Variants in SBF2 observed in about 807,000 individuals in gnomAD.
SBF2 encodes myotubularin-related protein 13.
SBF2 carries 112 observed loss-of-function variants against 225.2 expected under a neutral mutation model. That is an observed-to-expected ratio of 0.50 (90% confidence interval 0.43 to 0.58). The LOEUF is 0.58. Ranked by LOEUF, SBF2 falls within the 20% of genes least tolerant of loss-of-function variation. SBF2 has a pLI of 0.00. For synonymous variants in SBF2, 763 were observed against 773.3 expected (o/e 0.99, Z 0.22); for missense variants, 1,996 against 2,206.2 (o/e 0.90, Z 1.91).
At chr11:9,995,053 AT>A (rs376050130) in intron 9 of SBF2, among the ~76,000 whole-genome samples, 17,571 of 145,366 alleles carry the variant, frequency 0.12, 1,167 homozygotes, top group East Asian at 0.26. Flanking sequence ...AAAAAAAAAA[AT>A]AAAAATTACT....
chr11:9,987,404 G>C (rs1947248156), intron 13 of SBF2, among the ~76,000 whole-genome samples: 1 of 152,106 alleles, frequency 6.6e-6, no homozygotes, highest in African/African-American at 2.4e-5. Flanking sequence ...CATAGTACTG[G>C]AAGTCCTAGC....
At position 9,780,478 on chromosome 11, in the gene SBF2, C is replaced by A; in HGVS notation, c.5490G>T (p.Gln1830His). 1 of 1,614,132 alleles carries A rather than the reference C, an allele frequency of 6.2e-7. No individual in the cohort carries two copies. Among genetic ancestry groups the A allele is most frequent in the South Asian group, 1.1e-5 (1 of 91,068 alleles). Residue 1830 changes from glutamine (Q) to histidine (H), a missense_variant, in exon 40 of 40, where the codon CAG becomes CAT. By Grantham distance (24) the Gln-to-His change is conservative (BLOSUM62 0). Coordinates refer to ENST00000256190, the MANE Select transcript of SBF2 (RefSeq NM_030962.4). Reference sequence around the variant, plus strand: ...TCCATTGCTGGGCACTCTGTCCATCCTGGGCGCAGAAGTTATACACACGTT... The same window carrying A: ...TCCATTGCTGGGCACTCTGTCCATCATGGGCGCAGAAGTTATACACACGTT... ...TSKRVYNFCAQDGQSAQQWMD... is the reference protein window; with the variant it reads ...TSKRVYNFCAHDGQSAQQWMD...
At chr11:9,962,211 CAT>C in intron 15 of SBF2, 105 bp from the exon 16 acceptor site, 1 of 984,648 alleles carries the variant, frequency 1.0e-6, no homozygotes, top group South Asian at 1.4e-5. Context: ...ATTTATTTAA[CAT>C]AGTTATTAGT....
intron 2 of SBF2, among the ~76,000 whole-genome samples, chr11:10,075,473 G>A (rs1406075795): frequency 3.3e-5 from 5 of 152,180 alleles, no homozygotes; most frequent in Non-Finnish European, 7.3e-5. Context: ...ATGTTGAATC[G>A]TGATCCCAAG....
Position 10,194,001 on chromosome 11 carries a change from C to T in SBF2, c.56-14G>A, listed in dbSNP as rs761411576. 6.5e-7 allele frequency: 1 copy of T among 1,533,942 alleles called. No homozygotes were observed. The highest frequency in any genetic ancestry group is 9.0e-7 in the Non-Finnish European group (1 of 1,107,178). On this transcript the variant is annotated splice_polypyrimidine_tract_variant and intron_variant, in intron 1 of 39. Coordinates refer to ENST00000256190, the MANE Select transcript of SBF2 (RefSeq NM_030962.4). The stretch of plus-strand genomic sequence containing the variant: ...CTTCTCCTGATCCTGTTAATAAAAT[C>T]AAAGTGAATCATTATTATAGGACAC...
intron 1 of SBF2, among the ~76,000 whole-genome samples, chr11:10,254,939 A>AAAAAAAAAAT (rs1960737355): frequency 4.4e-5 from 5 of 114,006 alleles, no homozygotes; most frequent in Admixed American, 9.7e-5. Context: ...AAAAAAAAAA[A>AAAAAAAAAAT]TCCTATTATT....
rs763209708 is a variant in SBF2, at chr11:9,790,570, G to A, written c.4684C>T (p.Pro1562Ser). ...TCTTACTCTACCTCTATTTCCAATG[G>A]TGAATATAAATAATTAAAGAAAATG... Reference protein sequence around the residue: ...SPIFFNYLYSPLEIEALKPNV... With the variant: ...SPIFFNYLYSSLEIEALKPNV... The change falls in exon 34 of 40, where the codon CCA (proline) becomes TCA (serine). Residue 1562 changes from proline (P) to serine (S), a missense_variant. Physicochemically the swap from Pro to Ser is moderately conservative, Grantham distance 74. Transcript: ENST00000256190. The A allele has an allele frequency of 1.3e-6, 2 of 1,583,864 alleles. No homozygotes were observed. The highest frequency in any genetic ancestry group is 1.1e-5 in the South Asian group (1 of 88,336).
At chr11:9,787,403 G>A (rs1355720167) in intron 36 of SBF2, among the ~76,000 whole-genome samples, 5 of 152,144 alleles carry the variant, frequency 3.3e-5, no homozygotes, top group African/African-American at 7.2e-5. Context: ...CCTTGGATTC[G>A]GGGTGCTGAG....
chr11:9,781,723 T>A, intron 38 of SBF2, 85 bp from the exon 39 acceptor site: 1 of 1,490,320 alleles, frequency 6.7e-7, no homozygotes, highest in Non-Finnish European at 9.3e-7. Flanking sequence ...AATACCTTCC[T>A]CTGTACCTTG....
chr11:10,222,465 T>G (rs1164720023), intron 1 of SBF2, among the ~76,000 whole-genome samples: 2 of 152,136 alleles, frequency 1.3e-5, no homozygotes, highest in Non-Finnish European at 2.9e-5. Flanking sequence ...AAATTCTAGA[T>G]CTGAAAAATA....
chr11:9,850,048 G>A lies in SBF2; in HGVS notation c.2781C>T (p.Phe927=). 2 of 1,614,066 alleles carry A rather than the reference G, an allele frequency of 1.2e-6. No homozygotes were observed. The highest frequency in any genetic ancestry group is 1.7e-5 in the Admixed American group (1 of 60,026). Residue 927 remains phenylalanine, a synonymous_variant, in exon 22 of 40, where the codon TTC becomes TTT. Transcript: ENST00000256190. ...CTAACTGATCATGGGGTGTTCCTCT[G>A]AAGAGAATTCTGTATGTGGTGAGGA... ...ALFLTTYRIL[F]RGTPHDQLVG...
At chr11:9,994,794 T>G (rs1160743290) in intron 9 of SBF2, among the ~76,000 whole-genome samples, 2 of 152,088 alleles carry the variant, frequency 1.3e-5, no homozygotes, top group African/African-American at 2.4e-5. Context: ...CCCAACACTT[T>G]GGGAGGGCAA....
At chr11:9,991,820 T>C (rs1183911570) in intron 12 of SBF2, among the ~76,000 whole-genome samples, 1 of 152,126 alleles carries the variant, frequency 6.6e-6, no homozygotes, top group African/African-American at 2.4e-5. Context: ...TAGAGAAATG[T>C]TGATAATTGA....
Position 9,828,163 on chromosome 11 carries a change from A to G in SBF2, c.3793+1193T>C, listed in dbSNP as rs963716270. ...AGCTATTGGATGGGTTTACATCCAA[A>G]TGTCCTGGCACTACCTGCTTAAGCA... On this transcript the variant is annotated intron_variant, in intron 28 of 39. Coordinates refer to ENST00000256190, the MANE Select transcript of SBF2 (RefSeq NM_030962.4). 73 of 1,289,588 alleles carry G rather than the reference A, an allele frequency of 5.7e-5. No individual in the cohort carries two copies. In the African/African-American group the frequency reaches 9.6e-4, roughly 17 times the overall value. 79.9% of individuals were successfully genotyped at this position (1,289,588 alleles called of 1,614,324 possible). A position where few individuals can be genotyped will look rare whatever the true frequency, so the allele number is the denominator to read the frequency against.
At chr11:10,077,949 C>A (rs1040805836) in intron 2 of SBF2, among the ~76,000 whole-genome samples, 20 of 151,602 alleles carry the variant, frequency 1.3e-4, no homozygotes, top group African/African-American at 4.1e-4. Flanking sequence ...AAGAAAAAAA[C>A]AAACAACCTC....
intron 6 of SBF2, among the ~76,000 whole-genome samples, chr11:10,010,299 G>C (rs545469820): frequency 6.6e-6 from 1 of 152,254 alleles, no homozygotes; most frequent in African/African-American, 2.4e-5. Context: ...TGGTGTTTTA[G>C]ACATGAAGTC....
intron 25 of SBF2, among the ~76,000 whole-genome samples, chr11:9,840,263 A>AAAC (rs1462595312): frequency 2.0e-5 from 3 of 152,120 alleles, no homozygotes; most frequent in South Asian, 2.1e-4. Context: ...AAAAAAAAAA[A>AAAC]AAAACAAACC....
intron 2 of SBF2, among the ~76,000 whole-genome samples, chr11:10,163,167 G>C (rs1955823872): frequency 6.6e-6 from 1 of 152,116 alleles, no homozygotes; most frequent in African/African-American, 2.4e-5. Flanking sequence ...GTGTCCAGAT[G>C]AGAATGACAG....
At chr11:9,960,044 G>A (rs1203584644) in intron 16 of SBF2, 1 of 262,080 alleles carries the variant, frequency 3.8e-6, no homozygotes, top group East Asian at 9.9e-5. Flanking sequence ...GGAGTTCAGT[G>A]GCTATTGATA....
Sources: allele counts gnomAD v4.1 joint callset (sites outside exome capture counted in the v4.1 genomes callset), GRCh38; gene constraint gnomAD v4.1.1; transcripts MANE v1.5; gene names NCBI Gene and HGNC (gene_info 2026-07-23, HGNC 2026-07-21).